MYT1L: variants seen among roughly 807,000 people sequenced by gnomAD.
The protein encoded by MYT1L is myelin transcription factor 1-like protein.
In MYT1L, 12 loss-of-function variants were observed where a neutral mutation model predicts 126.7. That is an observed-to-expected ratio of 0.09 (90% CI 0.06 to 0.15). The LOEUF is 0.15. Ranked by LOEUF, MYT1L falls within the 10% of genes least tolerant of loss-of-function variation. The pLI, the probability that MYT1L is intolerant of heterozygous loss-of-function variation, is 1.00. For missense variants in MYT1L, 979 were observed against 1,585.2 expected (o/e 0.62, Z 6.49); for synonymous variants, 541 against 604.2 (o/e 0.90, Z 1.53).
intron 8 of MYT1L, among the ~76,000 whole-genome samples, chr2:1,971,109 G>A (rs2149445198): frequency 6.6e-6 from 1 of 152,278 alleles, no homozygotes; most frequent in South Asian, 2.1e-4. Context: ...GAACCCAGGA[G>A]TTCTAGGCTG....
chr2:2,304,131 A>C (rs1443704752), intron 1 of MYT1L: 3 of 152,226 alleles, frequency 2.0e-5, no homozygotes, highest in Non-Finnish European at 4.4e-5. Flanking sequence ...AATATTAACA[A>C]ATTCACTATT....
rs111423007 is a variant in MYT1L, at chr2:2,320,478, G to GAAAA, written c.-521+10485_-521+10488dup. Among the ~76,000 whole-genome samples the GAAAA allele has an allele frequency of 1.3e-4, 17 of 131,014 alleles. No individual in the cohort carries two copies. The South Asian group carries it at 1.9e-3, about 15-fold the overall frequency. 86.0% of individuals were successfully genotyped at this position (131,014 alleles called of 152,430 possible). On this transcript the variant is annotated intron_variant, in intron 1 of 24. Coordinates refer to ENST00000647738, the MANE Select transcript of MYT1L (RefSeq NM_001303052.2). Reference sequence around the variant, plus strand: ...TCTGTGAAATATACTCTAAGTCCTAGAAAAAAAAAAAAGAAAAAAAAAGCC... The same window carrying GAAAA: ...TCTGTGAAATATACTCTAAGTCCTAGAAAAAAAAAAAAAAAAGAAAAAAAAAGCC...
intron 4 of MYT1L, among the ~76,000 whole-genome samples, chr2:2,004,335 ATACGTTCTTTCC>A (rs2062867840): frequency 7.5e-6 from 1 of 133,594 alleles, no homozygotes; most frequent in African/African-American, 2.9e-5. Context: ...TCTTTCCTGC[ATACGTTCTTTCC>A]TGCGTGCCTT....
At chr2:1,814,298 G>A (rs866807006) in intron 21 of MYT1L, among the ~76,000 whole-genome samples, 4 of 152,156 alleles carry the variant, frequency 2.6e-5, no homozygotes, top group African/African-American at 9.6e-5. Flanking sequence ...AGCAGGGCCC[G>A]GCCTGCACCA....
At chr2:1,967,950 C>CG (rs2059502989) in intron 8 of MYT1L, among the ~76,000 whole-genome samples, 1 of 152,250 alleles carries the variant, frequency 6.6e-6, no homozygotes, top group African/African-American at 2.4e-5. Flanking sequence ...GGAGCTTCCT[C>CG]GGGCCCCTGC....
chr2:2,152,834 G>C (rs2086039162), intron 3 of MYT1L, among the ~76,000 whole-genome samples: 1 of 152,158 alleles, frequency 6.6e-6, no homozygotes, highest in Non-Finnish European at 1.5e-5. Context: ...GTTCCTTGGA[G>C]GGGTCCATGC....
Position 1,790,704 on chromosome 2 carries a change from G to C in MYT1L, c.*1163C>G, listed in dbSNP as rs2031926680. ...AGTCAAAGTCGGGCGGGGGGAGCAGGAGGGAAACTTTACCGAGCTGCCTTC... is the reference window on the plus strand; with the variant it reads ...AGTCAAAGTCGGGCGGGGGGAGCAGCAGGGAAACTTTACCGAGCTGCCTTC... On this transcript the variant is annotated 3_prime_UTR_variant, in exon 25 of 25. Transcript: ENST00000647738. 2 of 155,142 alleles carry C rather than the reference G, an allele frequency of 1.3e-5. No homozygotes were observed. Among genetic ancestry groups the C allele is most frequent in the African/African-American group, 4.8e-5 (2 of 41,424 alleles). The allele number at this position is 155,142 out of a possible 1,614,324, so 9.6% of individuals were successfully genotyped here.
At chr2:2,284,917 G>A (rs978995955) in intron 1 of MYT1L, among the ~76,000 whole-genome samples, 3 of 152,004 alleles carry the variant, frequency 2.0e-5, no homozygotes, top group Admixed American at 6.5e-5. Flanking sequence ...TGCTATGTTG[G>A]CCAGGGGTCA....
At position 1,929,448 on chromosome 2, in the gene MYT1L, A is replaced by G. The variant is rs566405036; in HGVS notation, c.506-6185T>C. Among the ~76,000 whole-genome samples the G allele has an allele frequency of 4.6e-5, 7 of 152,262 alleles. No homozygotes were observed. Among genetic ancestry groups the G allele is most frequent in the Admixed American group, 3.3e-4 (5 of 15,296 alleles). Reference sequence around the variant, plus strand: ...GAACATGGAGGGTGACGCGGCATTGACAGTGGGATGCACGTGTCTTCCCTG... The same window carrying G: ...GAACATGGAGGGTGACGCGGCATTGGCAGTGGGATGCACGTGTCTTCCCTG... On this transcript the variant is annotated intron_variant, in intron 9 of 24. Transcript: ENST00000647738. This position sits in a 1 kb window ranked among gnomAD's most constrained non-coding sequence, Gnocchi z 4.7.
At chr2:1,992,401 C>T (rs1393238712) in intron 5 of MYT1L, among the ~76,000 whole-genome samples, 2 of 152,166 alleles carry the variant, frequency 1.3e-5, no homozygotes, top group Non-Finnish European at 2.9e-5. Context: ...TCCTCCATGC[C>T]TGATCCTACC....
chr2:2,113,031 G>A (rs533718697), intron 3 of MYT1L, among the ~76,000 whole-genome samples: 4 of 152,300 alleles, frequency 2.6e-5, no homozygotes, highest in South Asian at 2.1e-4. Flanking sequence ...TGGCCACGAC[G>A]AGGAGCATAA....
Position 1,867,618 on chromosome 2 carries a change from G to A in MYT1L, c.2712-15915C>T, listed in dbSNP as rs115644775. On this transcript the variant is annotated intron_variant, in intron 18 of 24. Coordinates refer to ENST00000647738, the MANE Select transcript of MYT1L (RefSeq NM_001303052.2). ...AGTGGTCCTGGCAGCCACGTCCACA[G>A]GTTTCTGGGGGTGGGGGACCTCGGG... 3.8e-3 allele frequency among the ~76,000 whole-genome samples: 573 copies of A among 152,282 alleles called. 2 individuals are homozygous for A. The highest frequency in any genetic ancestry group is 0.013 in the African/African-American group (557 of 41,548).
At chr2:1,945,330 G>A (rs933786204) in intron 8 of MYT1L, among the ~76,000 whole-genome samples, 5 of 152,226 alleles carry the variant, frequency 3.3e-5, no homozygotes, top group Non-Finnish European at 7.3e-5. Flanking sequence ...GATGCGGGGA[G>A]CAGAAGACAG....
At chr2:2,237,388 G>A (rs564528826) in intron 2 of MYT1L, among the ~76,000 whole-genome samples, 22 of 152,248 alleles carry the variant, frequency 1.4e-4, no homozygotes, top group African/African-American at 4.8e-4. Flanking sequence ...GAAAAGGCCC[G>A]TTCCTTCACA....
intron 20 of MYT1L, among the ~76,000 whole-genome samples, chr2:1,840,281 A>T (rs1303391218): frequency 2.0e-5 from 3 of 152,302 alleles, no homozygotes; most frequent in Middle Eastern, 6.8e-3. Flanking sequence ...CCCCTTGGGC[A>T]GCCCAGCGGT....
chr2:1,860,309 T>A (rs1223949451), intron 18 of MYT1L, among the ~76,000 whole-genome samples: 1 of 150,928 alleles, frequency 6.6e-6, no homozygotes, highest in African/African-American at 2.4e-5. Flanking sequence ...GGAGGACCCA[T>A]GCAAAAAAAA....
At chr2:1,829,185 C>T (rs1336051266) in intron 21 of MYT1L, among the ~76,000 whole-genome samples, 4 of 152,106 alleles carry the variant, frequency 2.6e-5, no homozygotes, top group Admixed American at 2.0e-4. Flanking sequence ...AGAGCACTCC[C>T]TGGTTCCTTC....
Position 2,031,781 on chromosome 2 carries a change from G to A in MYT1L, c.-158+22197C>T, listed in dbSNP as rs1464196594. 8.8e-5 allele frequency among the ~76,000 whole-genome samples: 10 copies of A among 113,926 alleles called. No homozygotes were observed. The East Asian group carries it at 1.5e-3, about 17-fold the overall frequency. The allele number at this position is 113,926 out of a possible 152,430, so 74.7% of individuals were successfully genotyped here. On this transcript the variant is annotated intron_variant, in intron 4 of 24. Transcript: ENST00000647738. The stretch of plus-strand genomic sequence containing the variant: ...AAGGAGGGCCTTATACACACCCCTC[G>A]CCAGTGCCTCTCATCCTGTGGCCCA...
chr2:2,099,482 T>G (rs2077807452), intron 3 of MYT1L, among the ~76,000 whole-genome samples: 1 of 152,146 alleles, frequency 6.6e-6, no homozygotes. Flanking sequence ...GCACAGAGAC[T>G]AAAAGGCTTC....
Sources: gnomAD v4.1 joint callset for allele counts (sites outside exome capture counted in the v4.1 genomes callset) on GRCh38, gnomAD v4.1.1 for gene constraint, Gnocchi (gnomAD v3.1) non-coding constraint, MANE v1.5 for transcripts, NCBI Gene and HGNC (gene_info 2026-07-23, HGNC 2026-07-21) for gene names.